Variants in MTMR6 observed in about 807,000 individuals in gnomAD.
The protein encoded by MTMR6 is myotubularin related protein 6.
Under a neutral mutation model 80.1 loss-of-function variants are expected in MTMR6, and 47 were observed. The observed-to-expected ratio is 0.59, with a 90% CI of 0.46 to 0.75. The LOEUF is 0.75. Ranked by LOEUF, MTMR6 falls within the 30% of genes least tolerant of loss-of-function variation. The pLI, the probability that MTMR6 is intolerant of heterozygous loss-of-function variation, is 0.00. For missense variants in MTMR6, 629 were observed against 730.9 expected (o/e 0.86, Z 1.61); for synonymous variants, 254 against 253.0 (o/e 1.00, Z -0.04).
intron 5 of MTMR6, among the ~76,000 whole-genome samples, chr13:25,263,237 A>G (rs774932761): frequency 3.1e-4 from 47 of 152,194 alleles, no homozygotes; most frequent in Non-Finnish European, 6.2e-4. Flanking sequence ...GTGCAGCAAA[A>G]TCTCAAAAGG....
In MTMR6 at chr13:25,265,857, T is replaced by C. The variant is rs1957443660; in HGVS notation, c.553A>G (p.Arg185Gly). Residue 185 changes from arginine (R) to glycine (G), a missense_variant, in exon 5 of 14, where the codon AGA becomes GGA. Physicochemically the swap from Arg to Gly is moderately radical, Grantham distance 125. Transcript: ENST00000381801. The stretch of plus-strand genomic sequence containing the variant: ...TGATAGTAGGAAAGAACTGGGAATC[T>C]TCCCTTGCTCCGGAACTTGGAACTA... ...VGSSKFRSKG[R>G]FPVLSYYHQD... 1 of 1,613,984 alleles carries C rather than the reference T, an allele frequency of 6.2e-7. No individual in the cohort carries two copies. Among genetic ancestry groups the C allele is most frequent in the African/African-American group, 1.3e-5 (1 of 74,926 alleles).
chr13:25,276,716 T>C (rs763026227), intron 1 of MTMR6, among the ~76,000 whole-genome samples: 2 of 152,226 alleles, frequency 1.3e-5, no homozygotes, highest in Non-Finnish European at 2.9e-5. Context: ...TAGCCTATAT[T>C]TTAATGACTC....
At chr13:25,249,641 G>A in intron 13 of MTMR6, 149 bp from the exon 14 acceptor site, 2 of 792,276 alleles carry the variant, frequency 2.5e-6, no homozygotes, top group Non-Finnish European at 3.9e-6. Flanking sequence ...TAATGCATAT[G>A]ACATGGTTGA....
At chr13:25,269,818 A>AAC (rs569393776) in intron 2 of MTMR6, among the ~76,000 whole-genome samples, 18 of 151,764 alleles carry the variant, frequency 1.2e-4, no homozygotes, top group African/African-American at 2.2e-4. Context: ...ACAAATAATT[A>AAC]ACACACACAC....
chr13:25,256,102 T>C (rs1289436314), intron 9 of MTMR6, among the ~76,000 whole-genome samples: 1 of 152,130 alleles, frequency 6.6e-6, no homozygotes, highest in Non-Finnish European at 1.5e-5. Flanking sequence ...CTTCTCTTTC[T>C]CAGGCCCTGA....
intron 1 of MTMR6, among the ~76,000 whole-genome samples, chr13:25,284,849 T>C (rs1593160400): frequency 1.3e-5 from 2 of 152,340 alleles, no homozygotes; most frequent in East Asian, 3.9e-4. Context: ...ACCTCTATCT[T>C]GCTGTTATAT....
chr13:25,267,396 C>A (rs1957482572), intron 3 of MTMR6, among the ~76,000 whole-genome samples: 1 of 152,114 alleles, frequency 6.6e-6, no homozygotes, highest in South Asian at 2.1e-4. Flanking sequence ...CCACTGCCAC[C>A]AAAGGACCTT....
At chr13:25,257,377 T>C in intron 8 of MTMR6, 56 bp from the exon 9 acceptor site, 2 of 1,582,894 alleles carry the variant, frequency 1.3e-6, no homozygotes, top group Non-Finnish European at 1.7e-6. Flanking sequence ...CAATAAATTC[T>C]ACTTGAAAAT....
intron 9 of MTMR6, among the ~76,000 whole-genome samples, chr13:25,255,769 G>A (rs1211396222): frequency 1.3e-5 from 2 of 152,040 alleles, no homozygotes; most frequent in Non-Finnish European, 2.9e-5. Context: ...TGATCCACCC[G>A]CCTTGGCCTC....
chr13:25,279,762 A>C (rs184153856), intron 1 of MTMR6, among the ~76,000 whole-genome samples: 1 of 152,332 alleles, frequency 6.6e-6, no homozygotes, highest in Admixed American at 6.5e-5. Flanking sequence ...TTCTTCACTA[A>C]TGGGAATAGG....
intron 5 of MTMR6, among the ~76,000 whole-genome samples, chr13:25,264,660 C>T (rs1158975713): frequency 4.8e-5 from 7 of 145,104 alleles, no homozygotes; most frequent in African/African-American, 1.8e-4. Context: ...GAGGCTGGGG[C>T]AGGAGAATCG....
intron 5 of MTMR6, among the ~76,000 whole-genome samples, chr13:25,262,788 A>C (rs1306763826): frequency 6.6e-6 from 1 of 152,262 alleles, no homozygotes; most frequent in African/African-American, 2.4e-5. Flanking sequence ...CACAAAATAA[A>C]ACCACGAAAA....
chr13:25,253,261 G>A (rs940201901), intron 11 of MTMR6, among the ~76,000 whole-genome samples: 1 of 152,170 alleles, frequency 6.6e-6, no homozygotes, highest in Non-Finnish European at 1.5e-5. Context: ...AGAACTGTCT[G>A]TTTAGAAATG....
intron 1 of MTMR6, among the ~76,000 whole-genome samples, chr13:25,283,338 T>C (rs1317147329): frequency 6.6e-6 from 1 of 152,210 alleles, no homozygotes; most frequent in African/African-American, 2.4e-5. Flanking sequence ...TTCAGTTTCC[T>C]CACCTGTAAA....
At chr13:25,268,248 T>G (rs1207921026) in intron 2 of MTMR6, among the ~76,000 whole-genome samples, 1 of 152,194 alleles carries the variant, frequency 6.6e-6, no homozygotes, top group Non-Finnish European at 1.5e-5. Context: ...ATGTCCCCAC[T>G]GTTTCTCACC....
chr13:25,262,162 A>G (rs1228727213), intron 5 of MTMR6, among the ~76,000 whole-genome samples: 1 of 152,230 alleles, frequency 6.6e-6, no homozygotes, highest in African/African-American at 2.4e-5. Context: ...ATTAGTCAAT[A>G]AAAATAGAAC....
At chr13:25,275,899 AGG>A (rs1957714615) in intron 1 of MTMR6, among the ~76,000 whole-genome samples, 1 of 22,746 alleles carries the variant, frequency 4.4e-5, no homozygotes, top group Admixed American at 6.2e-4. Context: ...AGGGGAGAGG[AGG>A]GGAGGGGAGA....
Position 25,266,241 on chromosome 13 carries a change from T to C in MTMR6, c.350A>G (p.Asn117Ser), listed in dbSNP as rs201090774. Reference protein sequence around the residue: ...LYAFSYNPKQNDSERLQGWQL... With the variant: ...LYAFSYNPKQSDSERLQGWQL... ...CCAGCCTTGTAGTCGTTCTGAATCA[T>C]TTTGTTTGGGATTATAAGAAAATGC... is the stretch of plus-strand genomic sequence containing the variant. The change falls in exon 4 of 14, where the codon AAT becomes AGT. Residue 117 changes from asparagine to serine, a missense_variant. Transcript: ENST00000381801. 5.4e-5 allele frequency: 87 copies of C among 1,613,780 alleles called. No homozygotes were observed. In the East Asian group the frequency reaches 1.9e-3, roughly 36 times the overall value.
In MTMR6 at chr13:25,248,979, G is replaced by A. The variant is rs1002734437; in HGVS notation, c.*253C>T. The A allele has an allele frequency of 1.1e-5, 5 of 465,004 alleles. No homozygotes were observed. The highest frequency in any genetic ancestry group is 1.5e-5 in the Non-Finnish European group (4 of 260,892). The allele number at this position is 465,004 out of a possible 1,614,324, so 28.8% of individuals were successfully genotyped here. A position where few individuals can be genotyped will look rare whatever the true frequency, so the allele number is the denominator to read the frequency against. ...AAACGTCAATTCACTAGTGTACAGT[G>A]CAAATTGTGTTTTGAGTAAATACAT... On this transcript the variant is annotated 3_prime_UTR_variant, in exon 14 of 14. Transcript: ENST00000381801.
Sources: gnomAD v4.1 joint callset for allele counts (sites outside exome capture counted in the v4.1 genomes callset) on GRCh38, gnomAD v4.1.1 for gene constraint, MANE v1.5 for transcripts, NCBI Gene and HGNC (gene_info 2026-07-23, HGNC 2026-07-21) for gene names.